GALNT13: variants seen among roughly 807,000 people sequenced by gnomAD.
The protein encoded by GALNT13 is UDP-GalNAc:polypeptide N-acetylgalactosaminyltransferase 13.
In GALNT13, 28 loss-of-function variants were observed where a neutral mutation model predicts 64.2. The ratio of observed to expected loss-of-function variants is 0.44; its 90% CI spans 0.32 to 0.60. The LOEUF (loss-of-function observed/expected upper bound fraction) is 0.60. GALNT13 is among the 20% of genes least tolerant of loss of function. GALNT13 has a pLI of 0.05. For missense variants in GALNT13, 577 were observed against 669.8 expected (o/e 0.86, Z 1.53); for synonymous variants, 214 against 224.6 (o/e 0.95, Z 0.42).
chr2:154,323,327 G>C (rs1258314366), intron 9 of GALNT13, among the ~76,000 whole-genome samples: 1 of 151,890 alleles, frequency 6.6e-6, no homozygotes, highest in Non-Finnish European at 1.5e-5. Context: ...AAGTATTTGT[G>C]TCCATCTTTA....
rs1484441450 is a variant in GALNT13, at chr2:154,428,668, C to G, written c.1396-9924C>G. Reference sequence around the variant, plus strand: ...GAGCATGTCTATTGGCTTCATTTTTCCAACAGCATGTGCCCACTTTATGTC... The same window carrying G: ...GAGCATGTCTATTGGCTTCATTTTTGCAACAGCATGTGCCCACTTTATGTC... On this transcript the variant is annotated intron_variant, in intron 11 of 12. Coordinates refer to ENST00000392825, the MANE Select transcript of GALNT13 (RefSeq NM_052917.4). Among the ~76,000 whole-genome samples the G allele has an allele frequency of 2.0e-5, 3 of 152,030 alleles. No homozygotes were observed. The East Asian group carries it at 5.8e-4, about 29-fold the overall frequency.
At chr2:153,756,059 A>T in the GALNT13 span, among the ~76,000 whole-genome samples, 4 of 152,148 alleles carry the variant, frequency 2.6e-5, no homozygotes, top group African/African-American at 9.6e-5. Context: ...AAAATAACTT[A>T]TAAGATTATA....
intron 4 of GALNT13, among the ~76,000 whole-genome samples, chr2:154,222,117 C>G (rs1172009719): frequency 2.0e-5 from 3 of 151,956 alleles, no homozygotes; most frequent in Non-Finnish European, 2.9e-5. Context: ...TACCATTGTT[C>G]CATTTCTGCC....
Position 154,133,534 on chromosome 2 carries a change from T to TTATATA in GALNT13, c.143-6757_143-6752dup, listed in dbSNP as rs201083794. On this transcript the variant is annotated intron_variant, in intron 3 of 12. Coordinates refer to ENST00000392825, the MANE Select transcript of GALNT13 (RefSeq NM_052917.4). Reference sequence around the variant, plus strand: ...TTTTTCAGTAACATAACAGACCATTTTATATATATATATATATATATATAT... The same window carrying TTATATA: ...TTTTTCAGTAACATAACAGACCATTTTATATATATATATATATATATATATATATAT... Among the ~76,000 whole-genome samples the TTATATA allele has an allele frequency of 7.6e-3, 585 of 76,556 alleles. 10 individuals carry two copies. Among genetic ancestry groups the TTATATA allele is most frequent in the South Asian group, 0.012 (31 of 2,676 alleles). 50.2% of individuals were successfully genotyped at this position (76,556 alleles called of 152,430 possible).
At chr2:153,511,107 G>A in the GALNT13 span, among the ~76,000 whole-genome samples, 11 of 152,264 alleles carry the variant, frequency 7.2e-5, no homozygotes, top group African/African-American at 1.9e-4. Flanking sequence ...AAGAGGATGT[G>A]GAGTTGGAGG....
At chr2:153,165,296 A>G in the GALNT13 span, among the ~76,000 whole-genome samples, 1 of 152,230 alleles carries the variant, frequency 6.6e-6, no homozygotes, top group Non-Finnish European at 1.5e-5. Flanking sequence ...ATCCCATCTG[A>G]CAGGCACTTG....
chr2:153,185,464 A>T, the GALNT13 span, among the ~76,000 whole-genome samples: 10 of 151,878 alleles, frequency 6.6e-5, no homozygotes, highest in African/African-American at 2.4e-4. Flanking sequence ...CCTTCAGTTC[A>T]GCTCTGATTT....
intron 3 of GALNT13, among the ~76,000 whole-genome samples, chr2:153,954,923 T>G (rs752896305): frequency 6.6e-6 from 1 of 151,954 alleles, no homozygotes; most frequent in Non-Finnish European, 1.5e-5. Flanking sequence ...TTATATACTA[T>G]GTATGAACTA....
At chr2:153,356,205 C>A in the GALNT13 span, among the ~76,000 whole-genome samples, 4 of 152,108 alleles carry the variant, frequency 2.6e-5, no homozygotes, top group Middle Eastern at 3.4e-3. Context: ...TATCAGTCAC[C>A]CCAAAGAAAT....
At chr2:153,770,247 A>G in the GALNT13 span, among the ~76,000 whole-genome samples, 3 of 135,556 alleles carry the variant, frequency 2.2e-5, no homozygotes, top group Non-Finnish European at 4.6e-5. Flanking sequence ...CATTTGGATG[A>G]AATTTCCCAC....
At chr2:154,446,500 G>A in intron 12 of GALNT13, 1 of 1,426,466 alleles carries the variant, frequency 7.0e-7, no homozygotes, top group East Asian at 2.5e-5. Flanking sequence ...ATGTTGCCTA[G>A]GATGATTGAT....
the GALNT13 span, among the ~76,000 whole-genome samples, chr2:153,126,102 GATTGTT>G: frequency 1.0e-4 from 15 of 150,384 alleles, no homozygotes; most frequent in East Asian, 1.2e-3. Flanking sequence ...TTATTTTCCT[GATTGTT>G]ATTTTCCTGA....
chr2:153,768,725 G>A, the GALNT13 span, among the ~76,000 whole-genome samples: 1 of 152,018 alleles, frequency 6.6e-6, no homozygotes, highest in Non-Finnish European at 1.5e-5. Context: ...AATTAGTTAG[G>A]CATGGTGGCA....
chr2:153,340,868 C>T, the GALNT13 span, among the ~76,000 whole-genome samples: 6 of 152,124 alleles, frequency 3.9e-5, no homozygotes, highest in Non-Finnish European at 7.4e-5. Context: ...GGAGAGGCAG[C>T]ATGATAGAGA....
At chr2:153,810,286 G>C in the GALNT13 span, among the ~76,000 whole-genome samples, 22 of 152,108 alleles carry the variant, frequency 1.4e-4, no homozygotes, top group African/African-American at 5.1e-4. Flanking sequence ...TAATTCTTTT[G>C]ACTTGAAAAT....
chr2:154,142,252 A>G (rs1417260573), intron 4 of GALNT13, among the ~76,000 whole-genome samples: 1 of 152,126 alleles, frequency 6.6e-6, no homozygotes, highest in East Asian at 1.9e-4. Context: ...ATTACTTCAT[A>G]TAATATGAAA....
chr2:153,622,596 G>T, the GALNT13 span, among the ~76,000 whole-genome samples: 4 of 152,062 alleles, frequency 2.6e-5, no homozygotes, highest in Non-Finnish European at 5.9e-5. Flanking sequence ...ATGGAAATGG[G>T]CATTTCATAA....
Position 154,094,149 on chromosome 2 carries a change from A to C in GALNT13, c.143-46188A>C, listed in dbSNP as rs538018640. Among the ~76,000 whole-genome samples, 5 of 152,088 alleles carry C rather than the reference A, an allele frequency of 3.3e-5. No homozygotes were observed. In the East Asian group the frequency reaches 9.7e-4, roughly 30 times the overall value. ...TTTCCCAGGCCGATTTCTTATGTTT[A>C]ATACTCAGTGTAGTTGGGCAGCTCA... On this transcript the variant is annotated intron_variant, in intron 3 of 12. Transcript: ENST00000392825.
At chr2:153,772,489 G>A in the GALNT13 span, among the ~76,000 whole-genome samples, 195 of 152,182 alleles carry the variant, frequency 1.3e-3, 3 homozygotes, top group East Asian at 0.027. Flanking sequence ...TGCCATCACG[G>A]GGCTGCTTGC....
Sources: allele counts gnomAD v4.1 joint callset (sites outside exome capture counted in the v4.1 genomes callset), GRCh38; gene constraint gnomAD v4.1.1; transcripts MANE v1.5; gene names NCBI Gene and HGNC (gene_info 2026-07-23, HGNC 2026-07-21).